NEXN: variants seen among roughly 807,000 people sequenced by gnomAD.
NEXN encodes nexilin F-actin binding protein.
In NEXN, 65 loss-of-function variants were observed where a neutral mutation model predicts 92.6. The observed-to-expected ratio is 0.70, with a 90% CI of 0.57 to 0.86. NEXN has a LOEUF of 0.86. NEXN is among the 40% of genes least tolerant of loss of function. The pLI is 0.00. For synonymous variants in NEXN, 254 were observed against 242.5 expected, an observed-to-expected ratio of 1.05 and a Z score of -0.44; for missense variants, 778 against 771.1, an observed-to-expected ratio of 1.01 and a Z score of -0.11.
In NEXN at chr1:77,926,470, T is replaced by C; in HGVS notation, c.546T>C (p.Ser182=). Residue 182 remains serine, a synonymous_variant, in exon 7 of 13, where the codon TCT becomes TCC. Transcript: ENST00000334785. ...TACCTGTCAAATCATATAAAACATC[T>C]GGAAAAATGAAAAAGAATTTTGAGG... ...TVVPVKSYKT[S]GKMKKNFEDL... 6.2e-7 allele frequency: 1 copy of C among 1,609,574 alleles called. No individual in the cohort carries two copies. The highest frequency in any genetic ancestry group is 8.5e-7 in the Non-Finnish European group (1 of 1,178,278).
rs151056038 is a variant in NEXN at position 77,914,519 on chromosome 1, T to C, written c.-52-1536T>C. ...AATGATAGGCCTAAACTCATTGATA[T>C]TAATAATTACATTAAATGTTAATGA... On this transcript the variant is annotated intron_variant, in intron 1 of 12. Coordinates refer to ENST00000334785, the MANE Select transcript of NEXN (RefSeq NM_144573.4). 1.5e-3 allele frequency among the ~76,000 whole-genome samples: 227 copies of C among 152,256 alleles called. 1 individual carries two copies. The highest frequency in any genetic ancestry group is 2.2e-3 in the Non-Finnish European group (153 of 68,012).
chr1:77,905,129 G>A (rs959584598), intron 1 of NEXN, among the ~76,000 whole-genome samples: 1 of 152,114 alleles, frequency 6.6e-6, no homozygotes, highest in African/African-American at 2.4e-5. Flanking sequence ...GGGTGTGGTG[G>A]TGCGTGCTTG....
chr1:77,894,944 T>C (rs1405937786), intron 1 of NEXN, among the ~76,000 whole-genome samples: 1 of 150,642 alleles, frequency 6.6e-6, no homozygotes, highest in Non-Finnish European at 1.5e-5. Flanking sequence ...TCGAACTCCT[T>C]AGCTCGGGCA....
Position 77,942,204 on chromosome 1 carries a change from A to G in NEXN, c.1655A>G (p.Gln552Arg). 1 of 1,613,632 alleles carries G rather than the reference A, an allele frequency of 6.2e-7. No homozygotes were observed. The highest frequency in any genetic ancestry group is 8.5e-7 in the Non-Finnish European group (1 of 1,179,612). ...FEQREIDAAL[Q>R]KKREEEEEEE... ...CAAAGGGAAATTGATGCAGCACTAC[A>G]AAAGGTACCAGGCTTATGTATCCTT... Residue 552 changes from glutamine (Q) to arginine (R), a missense_variant, in exon 12 of 13, where the codon CAA becomes CGA. By Grantham distance (43) the Gln-to-Arg change is conservative (BLOSUM62 1). This residue lies in a region of NEXN where 532 missense variants were observed against 476.7 expected (regional missense o/e 1.12). Coordinates refer to ENST00000334785, the MANE Select transcript of NEXN (RefSeq NM_144573.4).
chr1:77,909,043 A>G (rs1219159299), intron 1 of NEXN, among the ~76,000 whole-genome samples: 1 of 152,222 alleles, frequency 6.6e-6, no homozygotes, highest in Non-Finnish European at 1.5e-5. Context: ...ATTAAAATCT[A>G]GGAGATATAG....
chr1:77,897,667 A>G (rs1314741327), intron 1 of NEXN, among the ~76,000 whole-genome samples: 1 of 152,190 alleles, frequency 6.6e-6, no homozygotes, highest in Non-Finnish European at 1.5e-5. Flanking sequence ...CAGGGCAATT[A>G]GGCAGGAGAA....
At chr1:77,936,325 C>T (rs1198540842) in intron 11 of NEXN, among the ~76,000 whole-genome samples, 2 of 152,160 alleles carry the variant, frequency 1.3e-5, no homozygotes, top group Non-Finnish European at 2.9e-5. Flanking sequence ...TGGTGGCTCA[C>T]GCCTATAATC....
intron 5 of NEXN, among the ~76,000 whole-genome samples, chr1:77,921,304 A>G (rs1268573357): frequency 6.6e-6 from 1 of 152,164 alleles, no homozygotes; most frequent in East Asian, 1.9e-4. Context: ...CCACTGCACC[A>G]AAACAAACAA....
chr1:77,905,430 C>G (rs757079400), intron 1 of NEXN, among the ~76,000 whole-genome samples: 2 of 152,048 alleles, frequency 1.3e-5, no homozygotes, highest in Non-Finnish European at 2.9e-5. Context: ...GTGGCTCATG[C>G]TTGTAATCCC....
At chr1:77,941,760 T>C (rs1043305241) in intron 11 of NEXN, 7 of 466,362 alleles carry the variant, frequency 1.5e-5, no homozygotes, top group African/African-American at 1.4e-4. Flanking sequence ...GCAGAGTTGG[T>C]AGGACAAACA....
Position 77,926,430 on chromosome 1 carries a change from T to C in NEXN, c.506T>C (p.Leu169Pro). ...ESASEEGDDSLLITVVPVKSY... is the reference protein window; with the variant it reads ...ESASEEGDDSPLITVVPVKSY... ...ATAAAATAGGAAGGAGATGATTCAC[T>C]ACTTATAACTGTGGTACCTGTCAAA... is the stretch of plus-strand genomic sequence containing the variant. The change falls in exon 7 of 13, where the codon CTA (leucine) becomes CCA (proline). Residue 169 changes from leucine (L) to proline (P), a missense_variant. Coordinates refer to ENST00000334785, the MANE Select transcript of NEXN (RefSeq NM_144573.4). The C allele has an allele frequency of 3.1e-6, 5 of 1,598,518 alleles. No individual in the cohort carries two copies. Among genetic ancestry groups the C allele is most frequent in the Non-Finnish European group, 2.6e-6 (3 of 1,169,592 alleles).
chr1:77,935,659 CTT>C (rs200823109), intron 10 of NEXN, among the ~76,000 whole-genome samples, 162 bp from the exon 11 acceptor site: 1 of 149,652 alleles, frequency 6.7e-6, no homozygotes, highest in Non-Finnish European at 1.5e-5. Context: ...GATATTCAAT[CTT>C]TTTTTTTTGA....
At chr1:77,936,283 A>G (rs1650758962) in intron 11 of NEXN, among the ~76,000 whole-genome samples, 1 of 152,218 alleles carries the variant, frequency 6.6e-6, no homozygotes, top group South Asian at 2.1e-4. Context: ...TCACTCTAGC[A>G]AAAATGTTCA....
intron 1 of NEXN, among the ~76,000 whole-genome samples, chr1:77,901,540 TCA>T (rs948940780): frequency 5.3e-5 from 8 of 152,314 alleles, no homozygotes; most frequent in African/African-American, 1.9e-4. Context: ...GTTTTCTCTC[TCA>T]TCTTATTCTT....
Position 77,916,039 on chromosome 1 carries a change from T to G in NEXN, c.-52-16T>G. 1.0e-6 allele frequency: 1 copy of G among 955,418 alleles called. No homozygotes were observed. The highest frequency in any genetic ancestry group is 3.0e-5 in the South Asian group (1 of 33,072). 59.2% of individuals were successfully genotyped at this position (955,418 alleles called of 1,614,324 possible). On this transcript the variant is annotated splice_polypyrimidine_tract_variant and intron_variant, in intron 1 of 12. Coordinates refer to ENST00000334785, the MANE Select transcript of NEXN (RefSeq NM_144573.4). ...AAATAAATTAAAATTTATTATACAA[T>G]ATAAATTTTTTTCAGGTGCAAATAT...
At chr1:77,900,033 G>C (rs1470188576) in intron 1 of NEXN, among the ~76,000 whole-genome samples, 2 of 151,920 alleles carry the variant, frequency 1.3e-5, no homozygotes, top group Admixed American at 1.3e-4. Context: ...TCGTTTGCTG[G>C]CTCTCTATTG....
intron 2 of NEXN, 24 bp from the exon 3 acceptor site, chr1:77,917,542 T>C: frequency 1.9e-6 from 3 of 1,573,454 alleles, no homozygotes; most frequent in Non-Finnish European, 2.6e-6. Context: ...TTAACTTTCT[T>C]TTTTTTATTT....
At chr1:77,942,282 A>T (rs1651411232) in intron 12 of NEXN, 74 bp downstream of exon 12, 1 of 1,505,628 alleles carries the variant, frequency 6.6e-7, no homozygotes, top group Non-Finnish European at 9.2e-7. Context: ...TAGGTAGGTT[A>T]AAAAAATGTT....
At chr1:77,895,086 C>T (rs1049922135) in intron 1 of NEXN, among the ~76,000 whole-genome samples, 8 of 114,360 alleles carry the variant, frequency 7.0e-5, no homozygotes, top group Non-Finnish European at 1.3e-4. Context: ...ATTCTGTTGC[C>T]TAGGCTGGAG....
Sources: gnomAD v4.1 joint callset for allele counts (sites outside exome capture counted in the v4.1 genomes callset) on GRCh38, gnomAD v4.1.1 for gene constraint, gnomAD v4.1.1 regional missense constraint, MANE v1.5 for transcripts, NCBI Gene and HGNC (gene_info 2026-07-23, HGNC 2026-07-21) for gene names.